Variants in FRK observed in about 807,000 individuals in gnomAD.
FRK encodes the protein fyn related Src family tyrosine kinase.
FRK carries 51 observed loss-of-function variants against 56.4 expected under a neutral mutation model. The observed-to-expected ratio is 0.90, with a 90% confidence interval of 0.72 to 1.14. FRK has a LOEUF of 1.14. FRK is among the 50% of genes most tolerant of loss of function. The pLI is 0.00. For missense variants in FRK, 570 were observed against 601.4 expected (o/e 0.95, Z 0.55); for synonymous variants, 245 against 217.9 (o/e 1.12, Z -1.10).
At chr6:115,960,431 C>G (rs1258776742) in intron 4 of FRK, among the ~76,000 whole-genome samples, 1 of 150,434 alleles carries the variant, frequency 6.6e-6, no homozygotes, top group Non-Finnish European at 1.5e-5. Flanking sequence ...GCACAGCAGT[C>G]TGAGATCAAA....
At chr6:115,984,311 C>T (rs1774311814) in intron 2 of FRK, among the ~76,000 whole-genome samples, 1 of 152,102 alleles carries the variant, frequency 6.6e-6, no homozygotes, top group African/African-American at 2.4e-5. Flanking sequence ...TCATTATCAT[C>T]ATCATCATGA....
chr6:115,955,508 T>G (rs915034317), intron 5 of FRK, among the ~76,000 whole-genome samples: 4 of 152,172 alleles, frequency 2.6e-5, no homozygotes, highest in African/African-American at 4.8e-5. Context: ...CTGATGATGT[T>G]AAATTCAATA....
At chr6:115,999,761 G>A (rs1774981205) in intron 2 of FRK, among the ~76,000 whole-genome samples, 1 of 152,148 alleles carries the variant, frequency 6.6e-6, no homozygotes, top group African/African-American at 2.4e-5. Context: ...TCAACAGTCA[G>A]CAATTGGGTT....
At chr6:115,981,912 A>G (rs895896968) in intron 2 of FRK, among the ~76,000 whole-genome samples, 18 of 152,128 alleles carry the variant, frequency 1.2e-4, no homozygotes, top group African/African-American at 4.3e-4. Context: ...AAATTTCATC[A>G]TATTTAATGA....
At chr6:116,094,410 C>T in the FRK span, among the ~76,000 whole-genome samples, 12 of 152,248 alleles carry the variant, frequency 7.9e-5, no homozygotes, top group African/African-American at 1.7e-4. Context: ...ACAGCTGCCT[C>T]AAGGTCCATT....
At chr6:116,097,311 T>C in the FRK span, among the ~76,000 whole-genome samples, 1 of 152,184 alleles carries the variant, frequency 6.6e-6, no homozygotes, top group East Asian at 1.9e-4. Flanking sequence ...GTAAATGAAC[T>C]TTTTTCTTAC....
At chr6:116,085,039 G>A in the FRK span, among the ~76,000 whole-genome samples, 1 of 152,180 alleles carries the variant, frequency 6.6e-6, no homozygotes, top group Non-Finnish European at 1.5e-5. Flanking sequence ...TAAGAGAGTG[G>A]TATGCCTGCT....
At chr6:116,003,811 C>A in intron 2 of FRK, 66 bp downstream of exon 2, 1 of 1,562,530 alleles carries the variant, frequency 6.4e-7, no homozygotes. Context: ...TGTCCATGTT[C>A]ACACAGAAAG....
intron 1 of FRK, among the ~76,000 whole-genome samples, chr6:116,023,019 G>A (rs926881334): frequency 3.3e-5 from 5 of 152,038 alleles, no homozygotes; most frequent in Non-Finnish European, 7.4e-5. Context: ...CTTCACAAAA[G>A]GAAATATGAA....
chr6:116,001,185 C>A (rs1322475730), intron 2 of FRK, among the ~76,000 whole-genome samples: 1 of 151,616 alleles, frequency 6.6e-6, no homozygotes, highest in Non-Finnish European at 1.5e-5. Context: ...TTGCAGTGAG[C>A]CGACATGGCG....
At chr6:115,948,090 G>T (rs1295421267) in intron 5 of FRK, among the ~76,000 whole-genome samples, 1 of 152,152 alleles carries the variant, frequency 6.6e-6, no homozygotes, top group Non-Finnish European at 1.5e-5. Flanking sequence ...ATTATAAGAG[G>T]CTGTGACTTT....
chr6:116,014,024 C>T (rs1273439204), intron 1 of FRK, among the ~76,000 whole-genome samples: 1 of 152,194 alleles, frequency 6.6e-6, no homozygotes, highest in Non-Finnish European at 1.5e-5. Context: ...AGGCTTATGT[C>T]TAAGCTTCAG....
chr6:115,968,012 C>T (rs1219882415), intron 3 of FRK, among the ~76,000 whole-genome samples: 1 of 152,108 alleles, frequency 6.6e-6, no homozygotes, highest in Non-Finnish European at 1.5e-5. Flanking sequence ...CCTACCTCTT[C>T]GCCTAGCTAA....
At chr6:115,990,043 G>A (rs543071183) in intron 2 of FRK, among the ~76,000 whole-genome samples, 8 of 151,944 alleles carry the variant, frequency 5.3e-5, no homozygotes, top group South Asian at 2.1e-4. Flanking sequence ...GATTAGCAAC[G>A]TTGAGTATTT....
At chr6:116,054,208 G>A (rs951098412) in intron 1 of FRK, among the ~76,000 whole-genome samples, 3 of 150,378 alleles carry the variant, frequency 2.0e-5, no homozygotes, top group South Asian at 2.1e-4. Context: ...TTTTAAAAAC[G>A]TATTTGTCAT....
the FRK span, among the ~76,000 whole-genome samples, chr6:116,096,516 C>T: frequency 1.3e-5 from 2 of 151,944 alleles, no homozygotes; most frequent in Admixed American, 6.6e-5. Flanking sequence ...TCTGTAAAAA[C>T]GCACCAATCA....
chr6:116,008,945 A>G (rs1775360722), intron 1 of FRK, among the ~76,000 whole-genome samples: 1 of 152,236 alleles, frequency 6.6e-6, no homozygotes, highest in South Asian at 2.1e-4. Context: ...ATCAAATGTA[A>G]CAGAGTTTAA....
At chr6:115,956,112 G>T (rs931864469) in intron 5 of FRK, among the ~76,000 whole-genome samples, 9 of 152,006 alleles carry the variant, frequency 5.9e-5, no homozygotes, top group African/African-American at 2.2e-4. Context: ...GAAAATATTG[G>T]TCCATAACTG....
the FRK span, among the ~76,000 whole-genome samples, chr6:116,073,302 T>C: frequency 6.6e-6 from 1 of 152,188 alleles, no homozygotes. Context: ...AATTCAAGAA[T>C]GGAGCACTAA....
Sources: gnomAD v4.1 joint callset for allele counts (sites outside exome capture counted in the v4.1 genomes callset) on GRCh38, gnomAD v4.1.1 for gene constraint, MANE v1.5 for transcripts, NCBI Gene and HGNC (gene_info 2026-07-23, HGNC 2026-07-21) for gene names.